NRN1L: variants seen among roughly 807,000 people sequenced by gnomAD.
NRN1L encodes the protein neuritin 1 like, also known as neuritin-like protein.
Under a neutral mutation model 8.8 loss-of-function variants are expected in NRN1L, and 12 were observed. The observed-to-expected ratio is 1.36, with a 90% CI of 0.87 to 2.20. The LOEUF is 2.20. NRN1L is among the 30% of genes most tolerant of loss of function. The pLI, the probability that NRN1L is intolerant of heterozygous loss-of-function variation, is 0.00. For missense variants in NRN1L, 266 were observed against 232.4 expected, an observed-to-expected ratio of 1.14 and a Z score of -0.94; for synonymous variants, 114 against 99.2, an observed-to-expected ratio of 1.15 and a Z score of -0.88.
rs1250506400 is a variant in NRN1L at position 67,886,238 on chromosome 16, C to T, written c.477C>T (p.Tyr159=). 3.1e-6 allele frequency: 5 copies of T among 1,594,540 alleles called. No individual in the cohort carries two copies. The highest frequency in any genetic ancestry group is 2.2e-5 in the East Asian group (1 of 44,628). ...PLLAAALALA[Y]LLRPLA Reference sequence around the variant, plus strand: ...TGGCGGCTGCTCTGGCTCTGGCCTACCTCCTGAGGCCTCTGGCCTAGCTTG... The same window carrying T: ...TGGCGGCTGCTCTGGCTCTGGCCTATCTCCTGAGGCCTCTGGCCTAGCTTG... Residue 159 remains tyrosine (Y), a synonymous_variant, in exon 3 of 3, where the codon TAC becomes TAT. Coordinates refer to ENST00000339176, the MANE Select transcript of NRN1L (RefSeq NM_198443.2).
downstream of NRN1L, among the ~76,000 whole-genome samples, chr16:67,887,829 G>A (rs866795543): frequency 5.3e-5 from 8 of 152,002 alleles, no homozygotes; most frequent in East Asian, 1.9e-4. Flanking sequence ...TGATCCACCC[G>A]CCTCGGCCTC....
At chr16:67,885,609 TG>T in intron 1 of NRN1L, 112 bp from the exon 2 acceptor site, 1 of 800,476 alleles carries the variant, frequency 1.2e-6, no homozygotes, top group East Asian at 2.9e-5. Flanking sequence ...CTTTTTCCGC[TG>T]AGTCACATCC....
At position 67,884,945 on chromosome 16, in the gene NRN1L, A is replaced by G; in HGVS notation, c.42A>G (p.Pro14=). Reference sequence around the variant, plus strand: ...GCCGCCGCTGCTGCTGCCGGCAACCACCCCATGCCCTGAGGCCGTTGCTGT... The same window carrying G: ...GCCGCCGCTGCTGCTGCCGGCAACCGCCCCATGCCCTGAGGCCGTTGCTGT... ...CCRRRCCCRQ[P]PHALRPLLLL... is the part of the protein sequence containing the mutation. Residue 14 remains proline, a synonymous_variant, in exon 1 of 3, where the codon CCA becomes CCG. Transcript: ENST00000339176. This position sits in a 1 kb window ranked among gnomAD's most constrained non-coding sequence, Gnocchi z 4.1. The G allele has an allele frequency of 1.1e-5, 17 of 1,607,464 alleles. No homozygotes were observed. Among genetic ancestry groups the G allele is most frequent in the Non-Finnish European group, 1.4e-5 (17 of 1,179,626 alleles).
chr16:67,887,471 T>C (rs1216464574), downstream of NRN1L, among the ~76,000 whole-genome samples: 1 of 151,296 alleles, frequency 6.6e-6, no homozygotes, highest in Non-Finnish European at 1.5e-5. Flanking sequence ...GGGTTTGCCA[T>C]GTTGGCCAGG....
intron 1 of NRN1L, 23 bp downstream of exon 1, chr16:67,885,005 C>T (rs752553439): frequency 1.6e-5 from 25 of 1,591,308 alleles, no homozygotes; most frequent in Non-Finnish European, 2.1e-5. Flanking sequence ...ATCCGGGGCC[C>T]GGGCCACACC....
At position 67,885,607 on chromosome 16, in the gene NRN1L, G is replaced by A. The variant is rs538337786; in HGVS notation, c.80-115G>A. On this transcript the variant is annotated intron_variant, in intron 1 of 2. Coordinates refer to ENST00000339176, the MANE Select transcript of NRN1L (RefSeq NM_198443.2). ...TAGTTCCCTGGGGCACCCTTTTTCC[G>A]CTGAGTCACATCCCCAGAGTGCTCC... The A allele has an allele frequency of 7.2e-5, 56 of 782,822 alleles. No individual in the cohort carries two copies. In the Admixed American group the frequency reaches 9.3e-4, roughly 13 times the overall value. 48.5% of individuals were successfully genotyped at this position (782,822 alleles called of 1,614,324 possible).
downstream of NRN1L, among the ~76,000 whole-genome samples, chr16:67,888,354 C>G (rs890622606): frequency 6.6e-6 from 1 of 152,170 alleles, no homozygotes; most frequent in Non-Finnish European, 1.5e-5. Flanking sequence ...CCCCAGAAGT[C>G]TTCCAGAGCT....
At chr16:67,885,362 G>A (rs2058091097) in intron 1 of NRN1L, 4 of 469,010 alleles carry the variant, frequency 8.5e-6, no homozygotes, top group South Asian at 7.9e-5. Context: ...TGTCTAAACC[G>A]CAGAGAGATG....
Position 67,885,693 on chromosome 16 carries a change from TCCCCACCCCACCCCCG to T in NRN1L, c.80-22_80-7del. On this transcript the variant is annotated splice_polypyrimidine_tract_variant and intron_variant, in intron 1 of 2. Transcript: ENST00000339176. ...CTGGCTCATCCTATCTACCATTCCT[TCCCCACCCCACCCCCG>T]CCCCACTTCTAGTCCTTTTACCTCC... 8.0e-7 allele frequency: 1 copy of T among 1,257,206 alleles called. No homozygotes were observed. Among genetic ancestry groups the T allele is most frequent in the Non-Finnish European group, 1.1e-6 (1 of 909,540 alleles). The allele number at this position is 1,257,206 out of a possible 1,614,324, so 77.9% of individuals were successfully genotyped here.
rs143848598 is a variant in NRN1L at position 67,884,979 on chromosome 16, C to T, written c.76C>T (p.Leu26Phe). Residue 26 changes from leucine to phenylalanine, a missense_variant, in exon 1 of 3, where the codon CTC becomes TTC. Leu to Phe is a conservative substitution (Grantham distance 22, BLOSUM62 0). Transcript: ENST00000339176. The surrounding 1 kb of genome is among the most constrained non-coding windows in gnomAD (Gnocchi z 4.1). Reference sequence around the variant, plus strand: ...CCTGAGGCCGTTGCTGTTGCTGCCCCTCGGTGAGTGCGGGCATCCGGGGCC... The same window carrying T: ...CCTGAGGCCGTTGCTGTTGCTGCCCTTCGGTGAGTGCGGGCATCCGGGGCC... ...HALRPLLLLP[L>F]VLLPPLAAAA... is the part of the protein sequence containing the mutation. 1.7e-5 allele frequency: 27 copies of T among 1,607,584 alleles called. No individual in the cohort carries two copies. In the African/African-American group the frequency reaches 3.5e-4, roughly 21 times the overall value.
At position 67,885,712 on chromosome 16, in the gene NRN1L, C is replaced by CCCCCCCA; in HGVS notation, c.80-9_80-8insCCCCCAC. 6.6e-7 allele frequency: 1 copy of CCCCCCCA among 1,510,466 alleles called. No homozygotes were observed. Among genetic ancestry groups the CCCCCCCA allele is most frequent in the Non-Finnish European group, 9.0e-7 (1 of 1,105,316 alleles). 93.6% of individuals were successfully genotyped at this position (1,510,466 alleles called of 1,614,324 possible). A position where few individuals can be genotyped will look rare whatever the true frequency, so the allele number is the denominator to read the frequency against. ...ATTCCTTCCCCACCCCACCCCCGCC[C>CCCCCCCA]CACTTCTAGTCCTTTTACCTCCCCT... On this transcript the variant is annotated splice_polypyrimidine_tract_variant and intron_variant, in intron 1 of 2. Coordinates refer to ENST00000339176, the MANE Select transcript of NRN1L (RefSeq NM_198443.2).
chr16:67,885,966 C>T lies in NRN1L; in HGVS notation c.213-8C>T. The T allele has an allele frequency of 6.2e-7, 1 of 1,613,912 alleles. No individual in the cohort carries two copies. The highest frequency in any genetic ancestry group is 2.2e-5 in the East Asian group (1 of 44,888). Reference sequence around the variant, plus strand: ...CACCTAATCCCCCTAATCCCACTCCCTTAACAGGTCTTGGAATGACTTCCA... The same window carrying T: ...CACCTAATCCCCCTAATCCCACTCCTTTAACAGGTCTTGGAATGACTTCCA... On this transcript the variant is annotated splice_polypyrimidine_tract_variant and splice_region_variant and intron_variant, in intron 2 of 2. Transcript: ENST00000339176.
chr16:67,885,649 T>G, intron 1 of NRN1L, 73 bp from the exon 2 acceptor site: 1 of 1,255,946 alleles, frequency 8.0e-7, no homozygotes, highest in East Asian at 2.5e-5. Context: ...AACAAGCCCC[T>G]GGGGGCTGGG....
At chr16:67,885,574 T>A in intron 1 of NRN1L, 148 bp from the exon 2 acceptor site, 1 of 619,398 alleles carries the variant, frequency 1.6e-6, no homozygotes, top group Non-Finnish European at 2.8e-6. Context: ...ATCCCCAGAC[T>A]TGCCCTTTAG....
At chr16:67,885,549 G>A in intron 1 of NRN1L, 173 bp from the exon 2 acceptor site, 1 of 587,088 alleles carries the variant, frequency 1.7e-6, no homozygotes, top group Non-Finnish European at 3.0e-6. Context: ...ACCTTGAAGG[G>A]GGCCTGGGTA....
intron 1 of NRN1L, chr16:67,885,406 C>T (rs1321570179): frequency 1.1e-5 from 5 of 473,428 alleles, no homozygotes; most frequent in African/African-American, 1.0e-4. Context: ...CTGGACCTCC[C>T]TCCCCTCCAC....
chr16:67,885,919 C>G lies in NRN1L; in HGVS notation c.213-55C>G, dbSNP rs550319897. ...CATTGGGGACTGAACCTTTTATTTC[C>G]CAAGCTAAAGTCTCCTTGCCTCACC... On this transcript the variant is annotated intron_variant, in intron 2 of 2. Transcript: ENST00000339176. 5.5e-4 allele frequency: 880 copies of G among 1,588,090 alleles called. 1 individual carries two copies. Among genetic ancestry groups the G allele is most frequent in the Non-Finnish European group, 6.8e-4 (789 of 1,164,580 alleles).
At chr16:67,885,887 G>A (rs1189111632) in intron 2 of NRN1L, 33 bp downstream of exon 2, 1 of 1,572,928 alleles carries the variant, frequency 6.4e-7, no homozygotes, top group African/African-American at 1.3e-5. Flanking sequence ...GGCCCAACCT[G>A]TGCCACCATT....
At chr16:67,885,607 G>C in intron 1 of NRN1L, 115 bp from the exon 2 acceptor site, 1 of 782,828 alleles carries the variant, frequency 1.3e-6, no homozygotes, top group Non-Finnish European at 2.0e-6. Context: ...CCCTTTTTCC[G>C]CTGAGTCACA....
Sources: allele counts gnomAD v4.1 joint callset (sites outside exome capture counted in the v4.1 genomes callset), GRCh38; gene constraint gnomAD v4.1.1; non-coding constraint Gnocchi (gnomAD v3.1); transcripts MANE v1.5; gene names NCBI Gene and HGNC (gene_info 2026-07-23, HGNC 2026-07-21).